Variants in RBFOX1 observed in about 807,000 individuals in gnomAD.
RBFOX1 encodes RNA binding protein fox-1 homolog 1.
Under a neutral mutation model 57.7 loss-of-function variants are expected in RBFOX1, and 8 were observed. The observed-to-expected ratio is 0.14, with a 90% confidence interval of 0.08 to 0.25. The LOEUF (loss-of-function observed/expected upper bound fraction) is 0.25. RBFOX1 is among the 10% of genes least tolerant of loss of function. RBFOX1 has a pLI of 1.00. For synonymous variants in RBFOX1, 326 were observed against 222.4 expected (o/e 1.47, Z -4.15); for missense variants, 611 against 548.5 (o/e 1.11, Z -1.14).
intron 2 of RBFOX1, among the ~76,000 whole-genome samples, chr16:6,463,107 T>C (rs188042930): frequency 5.1e-4 from 72 of 141,332 alleles, no homozygotes; most frequent in African/African-American, 1.8e-3. Flanking sequence ...TATTCAACTT[T>C]TATAAAAACA....
At chr16:6,992,103 G>A (rs1410845580) in intron 3 of RBFOX1, among the ~76,000 whole-genome samples, 2 of 152,128 alleles carry the variant, frequency 1.3e-5, no homozygotes, top group African/African-American at 2.4e-5. Flanking sequence ...TAGGGAGAAC[G>A]GGTGTAGCTG....
intron 3 of RBFOX1, among the ~76,000 whole-genome samples, chr16:6,931,415 C>A (rs943847125): frequency 6.6e-6 from 1 of 151,746 alleles, no homozygotes; most frequent in African/African-American, 2.4e-5. Flanking sequence ...GTGCATGAAC[C>A]ACTAAAGGCA....
intron 4 of RBFOX1, among the ~76,000 whole-genome samples, chr16:7,512,421 A>G (rs2075334612): frequency 6.6e-6 from 1 of 152,270 alleles, no homozygotes. Context: ...CATAGGAAGT[A>G]CAATGGTCTT....
At chr16:7,014,891 A>C (rs937554607) in intron 3 of RBFOX1, among the ~76,000 whole-genome samples, 3 of 151,692 alleles carry the variant, frequency 2.0e-5, no homozygotes, top group African/African-American at 4.8e-5. Context: ...CACCCGGCTA[A>C]TTTTTTTGTA....
intron 4 of RBFOX1, among the ~76,000 whole-genome samples, chr16:7,128,436 G>C (rs976456913): frequency 6.6e-6 from 1 of 152,190 alleles, no homozygotes; most frequent in Non-Finnish European, 1.5e-5. Context: ...GGCAAACCAA[G>C]AGAGCCTGAA....
chr16:7,123,826 G>A (rs1224342984), intron 4 of RBFOX1, among the ~76,000 whole-genome samples: 2 of 152,188 alleles, frequency 1.3e-5, no homozygotes, highest in East Asian at 3.8e-4. Context: ...AATATAAGAA[G>A]AAGGGTTTTG....
intron 3 of RBFOX1, among the ~76,000 whole-genome samples, chr16:6,782,855 C>A (rs1384289637): frequency 6.6e-6 from 1 of 152,110 alleles, no homozygotes; most frequent in African/African-American, 2.4e-5. Context: ...TATCATTGTG[C>A]TGGGGTCTGT....
intron 4 of RBFOX1, among the ~76,000 whole-genome samples, chr16:6,000,994 T>G (rs1596377830): frequency 6.6e-6 from 1 of 152,020 alleles, no homozygotes; most frequent in African/African-American, 2.4e-5. Flanking sequence ...GATAGCTGGG[T>G]GGATTGACGG....
At chr16:7,674,432 G>C (rs908556745) in intron 13 of RBFOX1, among the ~76,000 whole-genome samples, 2 of 152,150 alleles carry the variant, frequency 1.3e-5, no homozygotes, top group Non-Finnish European at 2.9e-5. Flanking sequence ...CACAGATATA[G>C]AACATTCATC....
At chr16:7,385,938 A>G (rs1186850936) in intron 4 of RBFOX1, among the ~76,000 whole-genome samples, 2 of 147,910 alleles carry the variant, frequency 1.4e-5, no homozygotes, top group Non-Finnish European at 1.5e-5. Flanking sequence ...TTATTTATTT[A>G]TTTATTTATT....
At chr16:6,465,796 G>T (rs1356369846) in intron 2 of RBFOX1, among the ~76,000 whole-genome samples, 2 of 150,680 alleles carry the variant, frequency 1.3e-5, no homozygotes, top group Non-Finnish European at 2.9e-5. Flanking sequence ...CAGGACAAAA[G>T]AAATGCTAAC....
intron 4 of RBFOX1, among the ~76,000 whole-genome samples, chr16:7,084,711 A>G (rs1648573423): frequency 6.6e-6 from 1 of 152,232 alleles, no homozygotes; most frequent in African/African-American, 2.4e-5. Context: ...TTTCTCCGTA[A>G]TGTAGAATAG....
rs560986083 is a variant in RBFOX1, at chr16:6,156,164, G to A, written c.-127+136172G>A. The stretch of plus-strand genomic sequence containing the variant: ...TTCTAAAACATTTTTAAGAATCAGT[G>A]TCCCTTTATGTTTTTCCTAATAGAG... On this transcript the variant is annotated intron_variant, in intron 1 of 15. Coordinates refer to ENST00000550418, the MANE Select transcript of RBFOX1 (RefSeq NM_018723.4). 5.3e-5 allele frequency among the ~76,000 whole-genome samples: 8 copies of A among 152,274 alleles called. No individual in the cohort carries two copies. In the South Asian group the frequency reaches 8.3e-4, roughly 16 times the overall value.
intron 1 of RBFOX1, among the ~76,000 whole-genome samples, chr16:6,032,010 T>G (rs1472728713): frequency 1.3e-5 from 2 of 152,190 alleles, no homozygotes; most frequent in African/African-American, 4.8e-5. Flanking sequence ...TTCAGAGATT[T>G]TTTTAAATTC....
At chr16:5,357,078 G>A (rs1472730947) in intron 1 of RBFOX1, among the ~76,000 whole-genome samples, 1 of 152,184 alleles carries the variant, frequency 6.6e-6, no homozygotes, top group Non-Finnish European at 1.5e-5. Flanking sequence ...GTAGAGTTAG[G>A]AGTGGTGCTG....
chr16:6,680,029 A>G (rs974524825), intron 3 of RBFOX1, among the ~76,000 whole-genome samples: 1 of 151,920 alleles, frequency 6.6e-6, no homozygotes, highest in East Asian at 1.9e-4. Flanking sequence ...ACAGAGTTCA[A>G]CCCAGTTCTG....
At chr16:7,360,431 G>A (rs1009627849) in intron 4 of RBFOX1, among the ~76,000 whole-genome samples, 21 of 152,224 alleles carry the variant, frequency 1.4e-4, no homozygotes, top group Admixed American at 7.2e-4. Context: ...GGGTGTGCAC[G>A]TGTGTGAATA....
chr16:6,675,184 A>G (rs566029279), intron 3 of RBFOX1, among the ~76,000 whole-genome samples: 26 of 152,282 alleles, frequency 1.7e-4, no homozygotes, highest in Admixed American at 4.6e-4. Context: ...GTTTACAGGC[A>G]TAAGCCACTG....
intron 4 of RBFOX1, among the ~76,000 whole-genome samples, chr16:7,124,223 C>T (rs2067865117): frequency 6.6e-6 from 1 of 152,074 alleles, no homozygotes; most frequent in African/African-American, 2.4e-5. Context: ...TGCTTGATCT[C>T]AGGAGTTGAA....
Sources: gnomAD v4.1 joint callset for allele counts (sites outside exome capture counted in the v4.1 genomes callset) on GRCh38, gnomAD v4.1.1 for gene constraint, MANE v1.5 for transcripts, NCBI Gene and HGNC (gene_info 2026-07-23, HGNC 2026-07-21) for gene names.